Variants in ANGPT4 observed in about 807,000 individuals in gnomAD.
The protein encoded by ANGPT4 is angiopoietin 4.
Under a neutral mutation model 53.0 loss-of-function variants are expected in ANGPT4, and 50 were observed. That is an observed-to-expected ratio of 0.94 (90% confidence interval 0.75 to 1.20). ANGPT4 has a LOEUF of 1.20. Ranked by LOEUF, ANGPT4 falls within the 50% of genes most tolerant of loss-of-function variation. The pLI is 0.00. For synonymous variants in ANGPT4, 251 were observed against 259.7 expected, an observed-to-expected ratio of 0.97 and a Z score of 0.32; for missense variants, 648 against 637.1, an observed-to-expected ratio of 1.02 and a Z score of -0.18.
At chr20:885,947 G>A (rs1981604620) in intron 3 of ANGPT4, among the ~76,000 whole-genome samples, 1 of 152,242 alleles carries the variant, frequency 6.6e-6, no homozygotes, top group Non-Finnish European at 1.5e-5. Flanking sequence ...AGTGGTGCCT[G>A]TGTTTGGGAA....
chr20:890,269 T>C lies in ANGPT4; in HGVS notation c.409A>G (p.Ser137Gly). The C allele has an allele frequency of 1.2e-6, 2 of 1,614,036 alleles. No individual in the cohort carries two copies. Among genetic ancestry groups the C allele is most frequent in the South Asian group, 2.2e-5 (2 of 91,076 alleles). The change falls in exon 2 of 9, where the codon AGC (serine) becomes GGC (glycine). Residue 137 changes from serine (S) to glycine (G), a missense_variant. Coordinates refer to ENST00000381922, the MANE Select transcript of ANGPT4 (RefSeq NM_015985.4). ...QTAPMLELGT[S>G]LLNQTTAQIR... ...TGGGCAGTGGTCTGGTTCAGGAGGC[T>C]GGTGCCCAGCTCTAGCATGGGGGCC...
chr20:891,870 G>A (rs536753717), intron 1 of ANGPT4, among the ~76,000 whole-genome samples: 32 of 152,256 alleles, frequency 2.1e-4, no homozygotes, highest in African/African-American at 6.3e-4. Context: ...TGGTTCTTCC[G>A]TCAGCATCAG....
chr20:894,051 G>A (rs1051606872), intron 1 of ANGPT4, among the ~76,000 whole-genome samples: 4 of 152,030 alleles, frequency 2.6e-5, no homozygotes, highest in Non-Finnish European at 5.9e-5. Flanking sequence ...TACAAAGGGA[G>A]GGGACCCAAA....
intron 1 of ANGPT4, among the ~76,000 whole-genome samples, chr20:904,837 C>T (rs1982417639): frequency 1.3e-5 from 2 of 152,132 alleles, no homozygotes; most frequent in African/African-American, 4.8e-5. Flanking sequence ...TGCTTTGTTG[C>T]CTCAGGCTGG....
Position 872,608 on chromosome 20 carries a change from C to T in ANGPT4, c.*352G>A. 4.9e-6 allele frequency: 1 copy of T among 205,212 alleles called. No homozygotes were observed. Among genetic ancestry groups the T allele is most frequent in the East Asian group, 1.2e-4 (1 of 8,056 alleles). The allele number at this position is 205,212 out of a possible 1,614,324, so 12.7% of individuals were successfully genotyped here. On this transcript the variant is annotated 3_prime_UTR_variant, in exon 9 of 9. Coordinates refer to ENST00000381922, the MANE Select transcript of ANGPT4 (RefSeq NM_015985.4). ...CTGGGCAGCTTCCGATGTGCAAATACATTCCCACCTGCCTGCAACCCCACC... is the reference window on the plus strand; with the variant it reads ...CTGGGCAGCTTCCGATGTGCAAATATATTCCCACCTGCCTGCAACCCCACC...
chr20:889,186 C>T (rs1211206265), intron 2 of ANGPT4, among the ~76,000 whole-genome samples: 2 of 151,168 alleles, frequency 1.3e-5, no homozygotes, highest in Non-Finnish European at 2.9e-5. Context: ...CCCCCCACCA[C>T]TCCCAATGCA....
At position 873,056 on chromosome 20, in the gene ANGPT4, G is replaced by A. The variant is rs564210679; in HGVS notation, c.1416C>T (p.Asn472=). 5.0e-6 allele frequency: 8 copies of A among 1,614,080 alleles called. No homozygotes were observed. Among genetic ancestry groups the A allele is most frequent in the Non-Finnish European group, 6.8e-6 (8 of 1,180,008 alleles). ...AGCGGATGCCGTCCATCTTGTACTT[G>A]TTGTCGGGAGCGTGGTAGTAGACGC... ...LNGVYYHAPD[N]KYKMDGIRWH... The change falls in exon 9 of 9, where the codon AAC becomes AAT. Residue 472 remains asparagine (N), a synonymous_variant. Transcript: ENST00000381922.
chr20:875,213 A>T (rs1981118768), intron 7 of ANGPT4, among the ~76,000 whole-genome samples: 1 of 152,192 alleles, frequency 6.6e-6, no homozygotes, highest in African/African-American at 2.4e-5. Flanking sequence ...GCCACATGCC[A>T]GCCTAGTGTG....
At chr20:899,891 G>A (rs1483503126) in intron 1 of ANGPT4, among the ~76,000 whole-genome samples, 1 of 152,158 alleles carries the variant, frequency 6.6e-6, no homozygotes, top group Non-Finnish European at 1.5e-5. Context: ...CTGCCACAAG[G>A]CTTCAGGGAC....
rs961437121 is a variant in ANGPT4, at chr20:914,793, G to A, written c.309+1113C>T. On this transcript the variant is annotated intron_variant, in intron 1 of 8. Coordinates refer to ENST00000381922, the MANE Select transcript of ANGPT4 (RefSeq NM_015985.4). The surrounding 1 kb of genome is among the most constrained non-coding windows in gnomAD (Gnocchi z 5.0). ...CTCCTGTACCCTCATGCCCCGCCAG[G>A]GCCAAGCCTGCTTTGCACACCTCTG... Among the ~76,000 whole-genome samples the A allele has an allele frequency of 6.6e-5, 10 of 152,064 alleles. No individual in the cohort carries two copies. The highest frequency in any genetic ancestry group is 1.7e-4 in the African/African-American group (7 of 41,378).
At chr20:884,970 G>A (rs1021947829) in intron 4 of ANGPT4, 108 bp downstream of exon 4, 28 of 1,474,194 alleles carry the variant, frequency 1.9e-5, no homozygotes, top group Middle Eastern at 2.2e-4. Context: ...GGGAGGGTGG[G>A]GCCCGCAATG....
intron 3 of ANGPT4, among the ~76,000 whole-genome samples, chr20:885,586 A>G (rs1981589303): frequency 6.6e-6 from 1 of 152,164 alleles, no homozygotes; most frequent in African/African-American, 2.4e-5. Context: ...TCAAATCCCA[A>G]CTGTGCTTGC....
chr20:887,434 G>A (rs1368266337), intron 3 of ANGPT4, among the ~76,000 whole-genome samples: 2 of 152,154 alleles, frequency 1.3e-5, no homozygotes, highest in Non-Finnish European at 2.9e-5. Flanking sequence ...AGAGAGCTGG[G>A]GGATCTTATG....
At chr20:910,521 A>T (rs551219816) in intron 1 of ANGPT4, among the ~76,000 whole-genome samples, 40 of 152,232 alleles carry the variant, frequency 2.6e-4, no homozygotes, top group Middle Eastern at 3.4e-3. Flanking sequence ...CTCAGGGTTC[A>T]TTCCTGACAT....
In ANGPT4 at chr20:911,860, G is replaced by A. The variant is rs905047679; in HGVS notation, c.309+4046C>T. On this transcript the variant is annotated intron_variant, in intron 1 of 8. Transcript: ENST00000381922. This position sits in a 1 kb window ranked among gnomAD's most constrained non-coding sequence, Gnocchi z 4.9. ...GGAGAGAGGGACAGAGAGAGGGAGA[G>A]AGAGACAGAGAGAGGGAGAAAGAGA... Among the ~76,000 whole-genome samples, 81 of 74,250 alleles carry A rather than the reference G, an allele frequency of 1.1e-3. No homozygotes were observed. The highest frequency in any genetic ancestry group is 2.6e-3 in the African/African-American group (65 of 25,198). The allele number at this position is 74,250 out of a possible 152,430, so 48.7% of individuals were successfully genotyped here. A position where few individuals can be genotyped will look rare whatever the true frequency, so the allele number is the denominator to read the frequency against.
chr20:915,959 G>C lies in ANGPT4; in HGVS notation c.256C>G (p.Gln86Glu). The C allele has an allele frequency of 6.2e-7, 1 of 1,608,770 alleles. No homozygotes were observed. Among genetic ancestry groups the C allele is most frequent in the Non-Finnish European group, 8.5e-7 (1 of 1,176,062 alleles). ...PLHLGKLPTQQVKQLEQALQN... is the reference protein window; with the variant it reads ...PLHLGKLPTQEVKQLEQALQN... ...AGTGCCTGCTCCAGCTGTTTCACCT[G>C]CTGGGTGGGCAACTTCCCCAGGTGC... The change falls in exon 1 of 9, where the codon CAG becomes GAG. Residue 86 changes from glutamine (Q) to glutamate (E), a missense_variant. Gln to Glu is a conservative substitution (Grantham distance 29). Coordinates refer to ENST00000381922, the MANE Select transcript of ANGPT4 (RefSeq NM_015985.4).
At chr20:882,543 C>T (rs1981449054) in intron 4 of ANGPT4, among the ~76,000 whole-genome samples, 1 of 152,144 alleles carries the variant, frequency 6.6e-6, no homozygotes, top group South Asian at 2.1e-4. Flanking sequence ...ACTAAGACCC[C>T]CAAATCAATT....
intron 1 of ANGPT4, among the ~76,000 whole-genome samples, chr20:904,373 G>A (rs1982400014): frequency 6.6e-6 from 1 of 152,186 alleles, no homozygotes; most frequent in Non-Finnish European, 1.5e-5. Flanking sequence ...ATTGTTCATA[G>A]CATGTTCCAC....
chr20:876,740 A>T (rs1446418098), intron 7 of ANGPT4, among the ~76,000 whole-genome samples: 1 of 151,876 alleles, frequency 6.6e-6, no homozygotes, highest in Non-Finnish European at 1.5e-5. Context: ...ATAGTGTTGT[A>T]GCTACTCACT....
Sources: allele counts gnomAD v4.1 joint callset (sites outside exome capture counted in the v4.1 genomes callset), GRCh38; gene constraint gnomAD v4.1.1; non-coding constraint Gnocchi (gnomAD v3.1); transcripts MANE v1.5; gene names NCBI Gene and HGNC (gene_info 2026-07-23, HGNC 2026-07-21).